Variants in HIVEP3 observed in about 807,000 individuals in gnomAD.
HIVEP3 encodes the protein HIVEP zinc finger 3.
Under a neutral mutation model 152.8 loss-of-function variants are expected in HIVEP3, and 49 were observed. The ratio of observed to expected loss-of-function variants is 0.32; its 90% CI spans 0.26 to 0.41. HIVEP3 has a LOEUF of 0.41. Among genes scored for constraint, HIVEP3 ranks in the 10% least tolerant of loss-of-function variants. The pLI is 1.00. For synonymous variants in HIVEP3, 1,269 were observed against 1,289.0 expected, an observed-to-expected ratio of 0.98 and a Z score of 0.33; for missense variants, 2,790 against 3,103.3, an observed-to-expected ratio of 0.90 and a Z score of 2.40.
At chr1:41,534,289 C>T (rs530526182) in intron 5 of HIVEP3, among the ~76,000 whole-genome samples, 1 of 152,278 alleles carries the variant, frequency 6.6e-6, no homozygotes, top group East Asian at 1.9e-4. Flanking sequence ...AGGCCCAGGG[C>T]ACCATCTGCC....
At chr1:42,035,184 G>A (rs376077691) in intron 1 of HIVEP3, among the ~76,000 whole-genome samples, 16 of 152,364 alleles carry the variant, frequency 1.1e-4, no homozygotes, top group African/African-American at 3.8e-4. Flanking sequence ...AAGGGGGCAA[G>A]CGCGAGAGAC....
chr1:41,584,421 C>G lies in HIVEP3; in HGVS notation c.377G>C (p.Arg126Thr), dbSNP rs559212314. ...GSTWQLVDPMRPGPSGSFVAP... is the reference protein window; with the variant it reads ...GSTWQLVDPMTPGPSGSFVAP... ...CACGAAGGAGCCAGAGGGTCCAGGT[C>G]TCATGGGGTCAACCAGTTGCCATGT... is the stretch of plus-strand genomic sequence containing the variant. Residue 126 changes from arginine to threonine, a missense_variant, in exon 4 of 9, where the codon AGA (arginine) becomes ACA (threonine). Physicochemically the swap from Arg to Thr is moderately conservative, Grantham distance 71. Transcript: ENST00000372583. This position sits in a 1 kb window ranked among gnomAD's most constrained non-coding sequence, Gnocchi z 5.2. The G allele has an allele frequency of 6.2e-7, 1 of 1,614,174 alleles. No individual in the cohort carries two copies. Among genetic ancestry groups the G allele is most frequent in the African/African-American group, 1.3e-5 (1 of 75,050 alleles).
chr1:41,973,115 G>A (rs1462982657), intron 1 of HIVEP3, among the ~76,000 whole-genome samples: 1 of 152,042 alleles, frequency 6.6e-6, no homozygotes, highest in Non-Finnish European at 1.5e-5. Flanking sequence ...TCTGGAAATA[G>A]CATGGAATTT....
At chr1:41,977,517 C>T (rs1306531308) in intron 1 of HIVEP3, among the ~76,000 whole-genome samples, 1 of 152,164 alleles carries the variant, frequency 6.6e-6, no homozygotes, top group East Asian at 1.9e-4. Flanking sequence ...GTGTCACATC[C>T]CCCCATCTCT....
intron 1 of HIVEP3, among the ~76,000 whole-genome samples, chr1:41,722,915 ATG>A (rs140553591): frequency 4.6e-5 from 7 of 152,088 alleles, no homozygotes; most frequent in African/African-American, 1.7e-4. Flanking sequence ...AGAGAGATGC[ATG>A]TGTGTGTGTG....
chr1:41,809,939 A>C (rs942780028), intron 1 of HIVEP3, among the ~76,000 whole-genome samples: 2 of 152,194 alleles, frequency 1.3e-5, no homozygotes, highest in African/African-American at 4.8e-5. Flanking sequence ...CCAGGAGAGA[A>C]ATATCCAAAC....
At chr1:41,625,066 G>A (rs1184872096) in intron 3 of HIVEP3, among the ~76,000 whole-genome samples, 2 of 150,188 alleles carry the variant, frequency 1.3e-5, no homozygotes, top group Non-Finnish European at 2.9e-5. Flanking sequence ...GGGAGGCTGA[G>A]GCAGGAAAAT....
intron 1 of HIVEP3, among the ~76,000 whole-genome samples, chr1:41,949,973 G>A (rs1304405096): frequency 6.6e-6 from 1 of 152,148 alleles, no homozygotes; most frequent in African/African-American, 2.4e-5. Context: ...GGGTTTTCCT[G>A]TTGAGAGAGG....
chr1:41,945,724 T>C (rs1187302635), intron 1 of HIVEP3, among the ~76,000 whole-genome samples: 1 of 151,992 alleles, frequency 6.6e-6, no homozygotes, highest in Non-Finnish European at 1.5e-5. Flanking sequence ...TAAAGAAAAC[T>C]AGGAAGAAGC....
At chr1:41,944,446 A>G (rs540930600) in intron 1 of HIVEP3, among the ~76,000 whole-genome samples, 6 of 152,178 alleles carry the variant, frequency 3.9e-5, no homozygotes, top group East Asian at 1.9e-4. Context: ...TGCTTAGAAC[A>G]TGGTACCATG....
chr1:41,921,155 T>C (rs1363418873), upstream of HIVEP3, among the ~76,000 whole-genome samples: 1 of 152,156 alleles, frequency 6.6e-6, no homozygotes, highest in Non-Finnish European at 1.5e-5. Flanking sequence ...CAGGGAAAGA[T>C]GCCATCAATA....
At chr1:41,689,249 AC>A (rs772875986) in intron 2 of HIVEP3, among the ~76,000 whole-genome samples, 3 of 151,978 alleles carry the variant, frequency 2.0e-5, no homozygotes, top group East Asian at 1.9e-4. Context: ...TGTGACCTCA[AC>A]CCCCTGCTGG....
intron 6 of HIVEP3, among the ~76,000 whole-genome samples, chr1:41,518,817 G>GTTTTTTTT (rs35277923): frequency 7.4e-6 from 1 of 134,716 alleles, no homozygotes; most frequent in Non-Finnish European, 1.6e-5. Context: ...AGTGCAATAG[G>GTTTTTTTT]TTTTTTTTTT....
chr1:41,760,715 G>A (rs1647614713), intron 1 of HIVEP3, among the ~76,000 whole-genome samples: 2 of 152,234 alleles, frequency 1.3e-5, no homozygotes, highest in South Asian at 2.1e-4. Flanking sequence ...CCAGGAGCAT[G>A]CCCAAATGCT....
intron 2 of HIVEP3, among the ~76,000 whole-genome samples, chr1:41,670,592 A>T (rs1159791620): frequency 6.6e-6 from 1 of 152,232 alleles, no homozygotes; most frequent in East Asian, 1.9e-4. Flanking sequence ...TAAGTAAGTA[A>T]ACTATAGAGC....
chr1:41,941,559 T>C (rs963314051), intron 1 of HIVEP3, among the ~76,000 whole-genome samples: 1 of 152,020 alleles, frequency 6.6e-6, no homozygotes, highest in Non-Finnish European at 1.5e-5. Flanking sequence ...AGGACATGGC[T>C]TGAGAATAAG....
chr1:41,879,353 A>G (rs1644225214), intron 1 of HIVEP3, among the ~76,000 whole-genome samples: 1 of 152,222 alleles, frequency 6.6e-6, no homozygotes, highest in Non-Finnish European at 1.5e-5. Flanking sequence ...ATCTCAAGTG[A>G]GATGCTCAAT....
intron 5 of HIVEP3, among the ~76,000 whole-genome samples, chr1:41,525,817 C>T (rs1291676852): frequency 6.6e-6 from 1 of 152,164 alleles, no homozygotes; most frequent in African/African-American, 2.4e-5. Flanking sequence ...TAATGCTATA[C>T]ATGTGCAAGT....
At chr1:41,826,570 G>A (rs1377414816) in intron 1 of HIVEP3, among the ~76,000 whole-genome samples, 1 of 152,170 alleles carries the variant, frequency 6.6e-6, no homozygotes. Flanking sequence ...CTTCCAGTGG[G>A]GGCCCTCACA....
Sources: gnomAD v4.1 joint callset for allele counts (sites outside exome capture counted in the v4.1 genomes callset) on GRCh38, gnomAD v4.1.1 for gene constraint, Gnocchi (gnomAD v3.1) non-coding constraint, MANE v1.5 for transcripts, NCBI Gene and HGNC (gene_info 2026-07-23, HGNC 2026-07-21) for gene names.